Variants in ENTPD5 observed in about 807,000 individuals in gnomAD.
ENTPD5 encodes ectonucleoside triphosphate diphosphohydrolase 5 (inactive).
A neutral mutation model predicts 60.2 loss-of-function variants in ENTPD5; 49 were observed. The observed-to-expected ratio is 0.81, with a 90% CI of 0.65 to 1.03. The LOEUF is 1.03. ENTPD5 is among the 50% of genes least tolerant of loss of function. The pLI, the probability that ENTPD5 is intolerant of heterozygous loss-of-function variation, is 0.00. For synonymous variants in ENTPD5, 187 were observed against 185.4 expected, an observed-to-expected ratio of 1.01 and a Z score of -0.07; for missense variants, 480 against 507.6, an observed-to-expected ratio of 0.95 and a Z score of 0.52.
At chr14:73,994,566 C>G (rs577052733) in intron 3 of ENTPD5, among the ~76,000 whole-genome samples, 103 of 151,942 alleles carry the variant, frequency 6.8e-4, no homozygotes, top group Middle Eastern at 6.8e-3. Flanking sequence ...CACCCCATCT[C>G]TACTAAAAAC....
At chr14:74,014,815 C>T (rs1032545046) in intron 2 of ENTPD5, among the ~76,000 whole-genome samples, 1 of 152,112 alleles carries the variant, frequency 6.6e-6, no homozygotes, top group Non-Finnish European at 1.5e-5. Flanking sequence ...TGTGGTGGCT[C>T]AAGCCTGTAA....
chr14:74,001,265 G>A (rs970100571), intron 3 of ENTPD5, among the ~76,000 whole-genome samples: 3 of 152,124 alleles, frequency 2.0e-5, no homozygotes, highest in African/African-American at 7.2e-5. Context: ...CACTTTGGGA[G>A]GCCAAGGCAA....
chr14:74,003,409 G>T, intron 3 of ENTPD5: 1 of 845,176 alleles, frequency 1.2e-6, no homozygotes, highest in Non-Finnish European at 1.9e-6. Context: ...AGAGCTAAGT[G>T]GAGGAAAAAG....
chr14:73,955,341 G>C (rs1478494626), downstream of ENTPD5: 1 of 810,668 alleles, frequency 1.2e-6, no homozygotes, highest in East Asian at 2.4e-5. Flanking sequence ...GAAGTGGAGA[G>C]TATTATTGAA....
At chr14:73,971,366 C>T (rs997290593) in intron 14 of ENTPD5, among the ~76,000 whole-genome samples, 3 of 152,058 alleles carry the variant, frequency 2.0e-5, no homozygotes, top group African/African-American at 7.2e-5. Context: ...CCATGTTGGC[C>T]AGGCTGTCTT....
At chr14:74,007,921 C>G (rs988434952) in intron 3 of ENTPD5, 7 of 146,492 alleles carry the variant, frequency 4.8e-5, no homozygotes, top group African/African-American at 1.8e-4. Flanking sequence ...ACCTGCACCT[C>G]CCAGGTTCAA....
chr14:73,975,298 T>C (rs1483594598), intron 10 of ENTPD5, among the ~76,000 whole-genome samples: 1 of 152,122 alleles, frequency 6.6e-6, no homozygotes, highest in Non-Finnish European at 1.5e-5. Context: ...TGGGATCACA[T>C]TCCAGGCTGG....
chr14:73,987,089 A>G, intron 4 of ENTPD5, 196 bp from the exon 5 acceptor site: 1 of 705,184 alleles, frequency 1.4e-6, no homozygotes, highest in Non-Finnish European at 2.6e-6. Flanking sequence ...CATTTCTGCT[A>G]CCATTTCTCT....
chr14:74,008,393 C>CTT (rs986672970), intron 3 of ENTPD5, among the ~76,000 whole-genome samples: 7 of 143,298 alleles, frequency 4.9e-5, no homozygotes, highest in East Asian at 2.0e-4. Flanking sequence ...TTTCTTTTTT[C>CTT]TTTTTTTTTT....
chr14:73,963,094 AACTT>A (rs761168024), downstream of ENTPD5: 30 of 1,040,598 alleles, frequency 2.9e-5, no homozygotes, highest in Admixed American at 5.2e-5. Flanking sequence ...TAATTTAATA[AACTT>A]ACTTTACATT....
intron 3 of ENTPD5, among the ~76,000 whole-genome samples, chr14:73,988,783 G>A (rs1235230266): frequency 1.3e-5 from 2 of 152,008 alleles, no homozygotes; most frequent in African/African-American, 4.8e-5. Context: ...ATATCTTTCT[G>A]AGCCTGGCGT....
downstream of ENTPD5, chr14:73,958,302 A>G (rs752321749): frequency 1.4e-5 from 22 of 1,613,330 alleles, no homozygotes; most frequent in Non-Finnish European, 1.8e-5. Flanking sequence ...TTATTTTGCT[A>G]GGGGTCTTGT....
At chr14:73,977,120 A>T in intron 7 of ENTPD5, 61 bp from the exon 8 acceptor site, 1 of 1,513,538 alleles carries the variant, frequency 6.6e-7, no homozygotes, top group Admixed American at 2.0e-5. Flanking sequence ...CCTGGCCCCA[A>T]CCTTGTTTTT....
chr14:73,961,450 C>T, downstream of ENTPD5: 1 of 1,614,204 alleles, frequency 6.2e-7, no homozygotes, highest in South Asian at 1.1e-5. Context: ...CTGCTTTATT[C>T]TTAGGGATGC....
rs574217518 is a variant in ENTPD5, at chr14:73,982,577, A to G, written c.441+441T>C. On this transcript the variant is annotated intron_variant, in intron 6 of 15. Coordinates refer to ENST00000334696, the MANE Select transcript of ENTPD5 (RefSeq NM_001249.5). ...CGAGACCATCCTGGCTAACGCAGTG[A>G]AACCCCGTCTCTACTAAAAATACAA... 4.0e-3 allele frequency among the ~76,000 whole-genome samples: 613 copies of G among 151,950 alleles called. 3 individuals are homozygous for G. Among genetic ancestry groups the G allele is most frequent in the Non-Finnish European group, 6.8e-3 (465 of 67,958 alleles).
chr14:74,015,608 C>T (rs116320052), intron 2 of ENTPD5, among the ~76,000 whole-genome samples: 1,747 of 152,096 alleles, frequency 0.011, 13 homozygotes, highest in South Asian at 0.03. Context: ...CTGCCTTGGC[C>T]TCCCAAAGTG....
intron 2 of ENTPD5, among the ~76,000 whole-genome samples, chr14:74,011,437 T>A (rs983535531): frequency 8.5e-5 from 13 of 152,056 alleles, no homozygotes; most frequent in African/African-American, 3.1e-4. Flanking sequence ...TCACACTCCC[T>A]CTAGAAGCTG....
intron 1 of ENTPD5, among the ~76,000 whole-genome samples, chr14:74,018,067 A>C (rs748298887): frequency 3.4e-5 from 5 of 147,186 alleles, no homozygotes; most frequent in African/African-American, 2.5e-5. Context: ...CTGTAGTCCC[A>C]CTTACTGGGG....
At chr14:73,990,217 C>G (rs1344538075) in intron 3 of ENTPD5, among the ~76,000 whole-genome samples, 1 of 151,978 alleles carries the variant, frequency 6.6e-6, no homozygotes, top group Non-Finnish European at 1.5e-5. Context: ...TAGGGTGGCT[C>G]TCACATACTC....
Sources: allele counts gnomAD v4.1 joint callset (sites outside exome capture counted in the v4.1 genomes callset), GRCh38; gene constraint gnomAD v4.1.1; transcripts MANE v1.5; gene names NCBI Gene and HGNC (gene_info 2026-07-23, HGNC 2026-07-21).